The following TRAF2 variants were observed in gnomAD, a reference collection of about 807,000 sequenced individuals.
TRAF2 encodes the protein TNF receptor associated factor 2, also known as TNF receptor-associated factor 2.
In TRAF2, 6 loss-of-function variants were observed where a neutral mutation model predicts 55.6. That is an observed-to-expected ratio of 0.11 (90% CI 0.06 to 0.21). TRAF2 has a LOEUF of 0.21. Among genes scored for constraint, TRAF2 ranks in the 10% least tolerant of loss-of-function variants. TRAF2 has a pLI of 1.00. For synonymous variants in TRAF2, 329 were observed against 276.3 expected, an observed-to-expected ratio of 1.19 and a Z score of -1.89; for missense variants, 561 against 684.5, an observed-to-expected ratio of 0.82 and a Z score of 2.01.
upstream of TRAF2, chr9:136,886,459 CGCGGCGGAGCG>C: frequency 9.9e-7 from 1 of 1,005,768 alleles, no homozygotes; most frequent in Non-Finnish European, 1.2e-6. Flanking sequence ...GTCAGGCGCA[CGCGGCGGAGCG>C]GCGGCGGCGG....
chr9:136,893,877 G>A (rs1849629314), intron 1 of TRAF2, among the ~76,000 whole-genome samples: 1 of 151,928 alleles, frequency 6.6e-6, no homozygotes, highest in Non-Finnish European at 1.5e-5. Flanking sequence ...AGCCTCCTGA[G>A]TAGCTGGGAT....
chr9:136,883,649 T>G (rs935197185), upstream of TRAF2, among the ~76,000 whole-genome samples: 4 of 151,532 alleles, frequency 2.6e-5, no homozygotes, highest in African/African-American at 9.7e-5. Context: ...CCTGAGTAAT[T>G]GGGATTACAG....
intron 6 of TRAF2, 66 bp downstream of exon 6, chr9:136,910,060 G>C: frequency 6.7e-7 from 1 of 1,488,982 alleles, no homozygotes. Flanking sequence ...TGAGGGTCCC[G>C]TGGGTGGGGG....
intron 6 of TRAF2, 86 bp from the exon 7 acceptor site, chr9:136,916,453 CCT>C (rs890602721): frequency 1.4e-5 from 20 of 1,382,278 alleles, no homozygotes; most frequent in Non-Finnish European, 2.0e-5. Context: ...GGTCATGTAA[CCT>C]CTGTGTCAGT....
Position 136,921,211 on chromosome 9 carries a change from C to T in TRAF2, c.1134C>T (p.Ser378=), listed in dbSNP as rs756071961. Residue 378 remains serine, a synonymous_variant, in exon 9 of 11, where the codon TCC becomes TCT. Coordinates refer to ENST00000247668, the MANE Select transcript of TRAF2 (RefSeq NM_021138.4). Reference sequence around the variant, plus strand: ...CTGGCCGCATACCCGCCATCTTCTCCCCAGGTGTGGTTCTAGGACCCCCAC... The same window carrying T: ...CTGGCCGCATACCCGCCATCTTCTCTCCAGGTGTGGTTCTAGGACCCCCAC... ...AVAGRIPAIF[S]PAFYTSRYGY... 2 of 1,613,778 alleles carry T rather than the reference C, an allele frequency of 1.2e-6. No individual in the cohort carries two copies. The highest frequency in any genetic ancestry group is 8.5e-7 in the Non-Finnish European group (1 of 1,180,008).
At chr9:136,916,094 T>C (rs986450151) in intron 6 of TRAF2, among the ~76,000 whole-genome samples, 1 of 152,130 alleles carries the variant, frequency 6.6e-6, no homozygotes, top group African/African-American at 2.4e-5. Context: ...TGTATGTGAG[T>C]GTCTGTGTGC....
At chr9:136,916,381 G>A (rs1010240043) in intron 6 of TRAF2, among the ~76,000 whole-genome samples, 160 bp from the exon 7 acceptor site, 1 of 152,118 alleles carries the variant, frequency 6.6e-6, no homozygotes, top group Non-Finnish European at 1.5e-5. Context: ...GTGTGAGCGT[G>A]TCGCTTTGGA....
chr9:136,889,256 C>T (rs1208953909), intron 1 of TRAF2, among the ~76,000 whole-genome samples: 2 of 136,594 alleles, frequency 1.5e-5, no homozygotes, highest in African/African-American at 5.4e-5. Context: ...CTCGCTCTGT[C>T]CCCCGGTGTG....
chr9:136,886,960 C>T (rs1849466735), intron 1 of TRAF2, among the ~76,000 whole-genome samples: 1 of 152,202 alleles, frequency 6.6e-6, no homozygotes, highest in African/African-American at 2.4e-5. Context: ...CCCCGAAGCC[C>T]CGCACCCTCA....
rs773442982 is a variant in TRAF2 at position 136,925,688 on chromosome 9, C to T, written c.1293C>T (p.Thr431=). The part of the protein sequence containing the change: ...LLRWPFNQKV[T]LMLLDQNNRE... ...CCTGGGGCTCTCTCCTCCAGGTGAC[C>T]TTAATGCTGCTCGACCAGAATAACC... The change falls in exon 11 of 11, where the codon ACC becomes ACT. Residue 431 remains threonine (T), a synonymous_variant. Transcript: ENST00000247668. 1 of 1,614,044 alleles carries T rather than the reference C, an allele frequency of 6.2e-7. No homozygotes were observed. The highest frequency in any genetic ancestry group is 8.5e-7 in the Non-Finnish European group (1 of 1,180,030).
intron 9 of TRAF2, 65 bp downstream of exon 9, chr9:136,921,280 CCT>C: frequency 1.3e-6 from 2 of 1,592,886 alleles, no homozygotes; most frequent in African/African-American, 1.3e-5. Context: ...TCCCCTCACC[CCT>C]GTGACCACAT....
intron 4 of TRAF2, 176 bp downstream of exon 4, chr9:136,900,696 C>T: frequency 1.5e-6 from 1 of 684,466 alleles, no homozygotes. Flanking sequence ...TTTAGAAACT[C>T]AAGTAGTGCA....
In TRAF2 at chr9:136,923,964, G is replaced by T; in HGVS notation, c.1251G>T (p.Pro417=). The change falls in exon 10 of 11, where the codon CCG becomes CCT. Residue 417 remains proline, a synonymous_variant. Transcript: ENST00000247668. The part of the protein sequence containing the change: ...LSLFFVVMKG[P]NDALLRWPFN... ...TCTTCTTTGTGGTGATGAAGGGCCCGAATGACGCCCTGCTGCGGTGGCCCT... is the reference window on the plus strand; with the variant it reads ...TCTTCTTTGTGGTGATGAAGGGCCCTAATGACGCCCTGCTGCGGTGGCCCT... 1.2e-6 allele frequency: 2 copies of T among 1,613,866 alleles called. No homozygotes were observed. The highest frequency in any genetic ancestry group is 1.7e-6 in the Non-Finnish European group (2 of 1,179,988).
intron 7 of TRAF2, 90 bp downstream of exon 7, chr9:136,916,705 A>T: frequency 7.6e-7 from 1 of 1,320,378 alleles, no homozygotes; most frequent in East Asian, 2.3e-5. Flanking sequence ...GTTTCCTTCC[A>T]GCTGCTCCTC....
intron 1 of TRAF2, among the ~76,000 whole-genome samples, chr9:136,895,607 C>G (rs1028251649): frequency 3.9e-5 from 6 of 152,168 alleles, no homozygotes; most frequent in African/African-American, 9.7e-5. Flanking sequence ...GGAATCCCAG[C>G]ACATTGGGAG....
chr9:136,887,567 T>C (rs942026714), intron 1 of TRAF2, among the ~76,000 whole-genome samples: 4 of 152,138 alleles, frequency 2.6e-5, no homozygotes, highest in Non-Finnish European at 5.9e-5. Flanking sequence ...GGGAGTCTGG[T>C]CTGGGTCAAG....
chr9:136,894,000 G>A (rs1474891492), intron 1 of TRAF2, among the ~76,000 whole-genome samples: 1 of 150,866 alleles, frequency 6.6e-6, no homozygotes, highest in Non-Finnish European at 1.5e-5. Context: ...CTCCTGCCTT[G>A]GCCTCCGAAA....
chr9:136,909,160 C>T (rs917816133), intron 5 of TRAF2, among the ~76,000 whole-genome samples: 1 of 151,316 alleles, frequency 6.6e-6, no homozygotes, highest in African/African-American at 2.4e-5. Context: ...TGCGTCCGTC[C>T]TCGCCAGGCC....
chr9:136,922,984 G>A (rs971918986), intron 9 of TRAF2, among the ~76,000 whole-genome samples: 1 of 152,262 alleles, frequency 6.6e-6, no homozygotes, highest in African/African-American at 2.4e-5. Context: ...GAGGACGGAA[G>A]GGTGGTCCTG....
Sources: gnomAD v4.1 joint callset for allele counts (sites outside exome capture counted in the v4.1 genomes callset) on GRCh38, gnomAD v4.1.1 for gene constraint, MANE v1.5 for transcripts, NCBI Gene and HGNC (gene_info 2026-07-23, HGNC 2026-07-21) for gene names.